SORCS3: variants seen among roughly 807,000 people sequenced by gnomAD.
SORCS3 encodes VPS10 domain-containing receptor SorCS3.
Under a neutral mutation model 146.3 loss-of-function variants are expected in SORCS3, and 57 were observed. The observed-to-expected ratio is 0.39, with a 90% CI of 0.31 to 0.49. The LOEUF (loss-of-function observed/expected upper bound fraction) is 0.49, where lower values mean the gene tolerates loss of function less well. Among genes scored for constraint, SORCS3 ranks in the 20% least tolerant of loss-of-function variants. The pLI, the probability that SORCS3 is intolerant of heterozygous loss-of-function variation, is 0.92. For synonymous variants in SORCS3, 653 were observed against 618.5 expected, an observed-to-expected ratio of 1.06 and a Z score of -0.83; for missense variants, 1,341 against 1,575.5, an observed-to-expected ratio of 0.85 and a Z score of 2.52.
At chr10:105,183,150 G>A (rs534569705) in intron 14 of SORCS3, among the ~76,000 whole-genome samples, 6 of 152,296 alleles carry the variant, frequency 3.9e-5, no homozygotes, top group Admixed American at 2.6e-4. Flanking sequence ...TGGAGTGGTA[G>A]GAATGTGCCT....
intron 4 of SORCS3, among the ~76,000 whole-genome samples, chr10:104,991,848 C>T (rs1461972838): frequency 6.6e-6 from 1 of 152,150 alleles, no homozygotes; most frequent in Non-Finnish European, 1.5e-5. Context: ...AGGGCCTGCT[C>T]TAATAACCTC....
At chr10:104,907,080 T>C (rs1039929391) in intron 2 of SORCS3, among the ~76,000 whole-genome samples, 5 of 152,066 alleles carry the variant, frequency 3.3e-5, no homozygotes, top group Admixed American at 2.0e-4. Context: ...ACTTTTCAGG[T>C]CAATAACTCT....
At chr10:104,943,115 A>C (rs1261318161) in intron 3 of SORCS3, among the ~76,000 whole-genome samples, 2 of 152,204 alleles carry the variant, frequency 1.3e-5, no homozygotes, top group East Asian at 3.8e-4. Flanking sequence ...TAGACAATGC[A>C]ACAGAAAATA....
chr10:104,736,303 G>C (rs1447785528), intron 1 of SORCS3, among the ~76,000 whole-genome samples: 3 of 152,288 alleles, frequency 2.0e-5, no homozygotes, highest in African/African-American at 4.8e-5. Context: ...CGGGTTGAGG[G>C]GGGCAGGACT....
intron 1 of SORCS3, among the ~76,000 whole-genome samples, chr10:104,768,894 G>A (rs1362271192): frequency 6.6e-6 from 1 of 152,200 alleles, no homozygotes; most frequent in East Asian, 1.9e-4. Flanking sequence ...TGGGCCCAGA[G>A]GGAGGTACAG....
intron 18 of SORCS3, among the ~76,000 whole-genome samples, chr10:105,215,738 T>A (rs1030068520): frequency 2.0e-5 from 3 of 152,174 alleles, no homozygotes; most frequent in African/African-American, 7.2e-5. Flanking sequence ...GGCAAGAGAG[T>A]ACCTATCAAT....
chr10:104,769,267 A>G (rs981852816), intron 1 of SORCS3, among the ~76,000 whole-genome samples: 1 of 152,232 alleles, frequency 6.6e-6, no homozygotes. Flanking sequence ...GGTCCCTACC[A>G]GCCCACAGCC....
intron 12 of SORCS3, among the ~76,000 whole-genome samples, chr10:105,166,830 A>G (rs2056317774): frequency 6.6e-6 from 1 of 152,226 alleles, no homozygotes; most frequent in Non-Finnish European, 1.5e-5. Flanking sequence ...TGTATAAACA[A>G]CACTATAAAA....
chr10:104,673,621 A>C (rs969269685), intron 1 of SORCS3, among the ~76,000 whole-genome samples: 3 of 151,344 alleles, frequency 2.0e-5, no homozygotes, highest in African/African-American at 7.3e-5. Flanking sequence ...CTAATTTTTA[A>C]ATTTTTTTTT....
chr10:104,894,581 C>T (rs1168450449), intron 2 of SORCS3, among the ~76,000 whole-genome samples: 1 of 152,118 alleles, frequency 6.6e-6, no homozygotes, highest in Non-Finnish European at 1.5e-5. Flanking sequence ...GGCAGCCTGG[C>T]AGGCAGCTGA....
chr10:105,120,607 A>T (rs2055925593), intron 7 of SORCS3, among the ~76,000 whole-genome samples: 1 of 152,128 alleles, frequency 6.6e-6, no homozygotes, highest in Admixed American at 6.5e-5. Flanking sequence ...AATTACTAAG[A>T]CTTGTTTCTT....
intron 14 of SORCS3, among the ~76,000 whole-genome samples, chr10:105,188,852 G>C (rs2119587967): frequency 6.6e-6 from 1 of 152,314 alleles, no homozygotes; most frequent in African/African-American, 2.4e-5. Context: ...AGGAGTTGAA[G>C]CTGGGTGAAA....
chr10:105,186,995 A>G (rs1211141582), intron 14 of SORCS3, among the ~76,000 whole-genome samples: 2 of 152,000 alleles, frequency 1.3e-5, no homozygotes, highest in Non-Finnish European at 2.9e-5. Flanking sequence ...GCTCAACTCC[A>G]GACTTATCTT....
At position 104,849,411 on chromosome 10, in the gene SORCS3, C is replaced by CA. The variant is rs10591862; in HGVS notation, c.695+6578dup. ...TAGGCAACAGAGCGAGACTCCATCTCAAAAAAAAAAAAAAAAAAAAAAAAA... is the reference window on the plus strand; with the variant it reads ...TAGGCAACAGAGCGAGACTCCATCTCAAAAAAAAAAAAAAAAAAAAAAAAAA... On this transcript the variant is annotated intron_variant, in intron 2 of 26. Transcript: ENST00000369701. Among the ~76,000 whole-genome samples, 74 of 78,002 alleles carry CA rather than the reference C, an allele frequency of 9.5e-4. 1 individual carries two copies. The highest frequency in any genetic ancestry group is 1.4e-3 in the Non-Finnish European group (58 of 42,098). The allele number at this position is 78,002 out of a possible 152,430, so 51.2% of individuals were successfully genotyped here. A position where few individuals can be genotyped will look rare whatever the true frequency, so the allele number is the denominator to read the frequency against.
chr10:104,817,020 G>T (rs2017805583), intron 1 of SORCS3, among the ~76,000 whole-genome samples: 1 of 152,178 alleles, frequency 6.6e-6, no homozygotes, highest in Non-Finnish European at 1.5e-5. Context: ...CAGCTTCCTG[G>T]CTTCTGGGGC....
chr10:105,112,254 A>T (rs562423896), intron 7 of SORCS3, among the ~76,000 whole-genome samples: 1 of 151,964 alleles, frequency 6.6e-6, no homozygotes, highest in Admixed American at 6.6e-5. Context: ...CTTTTAAAAA[A>T]TTATTAGAAA....
intron 7 of SORCS3, among the ~76,000 whole-genome samples, chr10:105,109,564 G>A (rs1195960366): frequency 6.6e-6 from 1 of 152,010 alleles, no homozygotes; most frequent in Non-Finnish European, 1.5e-5. Flanking sequence ...AAATATGTTT[G>A]TCTGTATCTT....
At chr10:105,111,688 A>C (rs2055859889) in intron 7 of SORCS3, among the ~76,000 whole-genome samples, 1 of 152,242 alleles carries the variant, frequency 6.6e-6, no homozygotes, top group Non-Finnish European at 1.5e-5. Flanking sequence ...ATTAAAATAC[A>C]TTCAGCCCAG....
At chr10:104,968,638 T>A (rs1564724563) in intron 3 of SORCS3, among the ~76,000 whole-genome samples, 1 of 152,208 alleles carries the variant, frequency 6.6e-6, no homozygotes, top group East Asian at 1.9e-4. Flanking sequence ...AAATCTCTAG[T>A]GGGATCTCTG....
Sources: gnomAD v4.1 joint callset for allele counts (sites outside exome capture counted in the v4.1 genomes callset) on GRCh38, gnomAD v4.1.1 for gene constraint, MANE v1.5 for transcripts, NCBI Gene and HGNC (gene_info 2026-07-23, HGNC 2026-07-21) for gene names.